The following PCDHGB6 variants were observed in gnomAD, a reference collection of about 807,000 sequenced individuals.
The protein encoded by PCDHGB6 is protocadherin gamma subfamily B, 6.
In PCDHGB6, 51 loss-of-function variants were observed where a neutral mutation model predicts 59.1. The observed-to-expected ratio is 0.86, with a 90% CI of 0.69 to 1.09. The LOEUF (loss-of-function observed/expected upper bound fraction) is 1.09. Ranked by LOEUF, PCDHGB6 falls within the 50% of genes least tolerant of loss-of-function variation. PCDHGB6 has a pLI of 0.00. For missense variants in PCDHGB6, 1,148 were observed against 1,205.1 expected, an observed-to-expected ratio of 0.95 and a Z score of 0.70; for synonymous variants, 466 against 495.1, an observed-to-expected ratio of 0.94 and a Z score of 0.78.
In PCDHGB6 at chr5:141,510,834, G is replaced by A. The variant is rs1043468083; in HGVS notation, c.2567-113G>A. 49 of 1,581,762 alleles carry A rather than the reference G, an allele frequency of 3.1e-5. 1 individual carries two copies. The highest frequency in any genetic ancestry group is 4.0e-5 in the Non-Finnish European group (46 of 1,161,670). On this transcript the variant is annotated intron_variant, in intron 3 of 3. Coordinates refer to ENST00000520790, the MANE Select transcript of PCDHGB6 (RefSeq NM_018926.3). ...GACCCCTATATTCCCAGTGCTCAGC[G>A]TGGTCAAGGCCCAGGGTGCTGTATA...
In PCDHGB6 at chr5:141,431,788, T is replaced by G. The variant is rs775397713; in HGVS notation, c.2418+21168T>G. 1 of 1,614,190 alleles carries G rather than the reference T, an allele frequency of 6.2e-7. No homozygotes were observed. The highest frequency in any genetic ancestry group is 1.1e-5 in the South Asian group (1 of 91,080). ...TCACTGTTCTGGACGTGAACGACAA[T>G]GCCCCAGAAGTGGTCCTCACCTCTC... On this transcript the variant is annotated intron_variant, in intron 1 of 3. Coordinates refer to ENST00000520790, the MANE Select transcript of PCDHGB6 (RefSeq NM_018926.3). The surrounding 1 kb of genome is among the most constrained non-coding windows in gnomAD (Gnocchi z 4.8).
At position 141,450,007 on chromosome 5, in the gene PCDHGB6, T is replaced by TA. The variant is rs57702245; in HGVS notation, c.2418+39387_2418+39388insA. Among the ~76,000 whole-genome samples the TA allele has an allele frequency of 5.9e-4, 19 of 31,956 alleles. No homozygotes were observed. In the African/African-American group the frequency reaches 7.8e-3, roughly 13 times the overall value. 21.0% of individuals were successfully genotyped at this position (31,956 alleles called of 152,430 possible). A position where few individuals can be genotyped will look rare whatever the true frequency, so the allele number is the denominator to read the frequency against. On this transcript the variant is annotated intron_variant, in intron 1 of 3. Coordinates refer to ENST00000520790, the MANE Select transcript of PCDHGB6 (RefSeq NM_018926.3). Reference sequence around the variant, plus strand: ...ACATTGCATTTAGTTGCCATGTCTCTTTTTTTTTTTTTTTTTTGAGACAGG... The same window carrying TA: ...ACATTGCATTTAGTTGCCATGTCTCTATTTTTTTTTTTTTTTTTGAGACAGG...
chr5:141,423,923 G>A (rs2096790975), intron 1 of PCDHGB6: 2 of 1,254,626 alleles, frequency 1.6e-6, no homozygotes, highest in African/African-American at 1.6e-5. Flanking sequence ...CAACTATGCT[G>A]GTTTGGTTTG....
In PCDHGB6 at chr5:141,423,305, A is replaced by G. The variant is rs746680027; in HGVS notation, c.2418+12685A>G. On this transcript the variant is annotated intron_variant, in intron 1 of 3. Coordinates refer to ENST00000520790, the MANE Select transcript of PCDHGB6 (RefSeq NM_018926.3). Reference sequence around the variant, plus strand: ...TCTGAAACCTCAGACCTCTCGCTGTACTTGGTGGTGGCGGTGGCCGCAGTC... The same window carrying G: ...TCTGAAACCTCAGACCTCTCGCTGTGCTTGGTGGTGGCGGTGGCCGCAGTC... 23 of 1,613,944 alleles carry G rather than the reference A, an allele frequency of 1.4e-5. No individual in the cohort carries two copies. Among genetic ancestry groups the G allele is most frequent in the Non-Finnish European group, 1.9e-5 (22 of 1,180,004 alleles).
chr5:141,423,832 T>G, intron 1 of PCDHGB6: 113 of 1,253,376 alleles, frequency 9.0e-5, no homozygotes, highest in East Asian at 2.6e-4. Context: ...TTTCATGAGA[T>G]TACGATAATC....
At position 141,486,996 on chromosome 5, in the gene PCDHGB6, A is replaced by G; in HGVS notation, c.2419-7811A>G. ...TCAGGTTACAATGCTTGGGTTTCCT[A>G]TCAGCTCCTGGAGGCCCCAGATCCC... On this transcript the variant is annotated intron_variant, in intron 1 of 3. Coordinates refer to ENST00000520790, the MANE Select transcript of PCDHGB6 (RefSeq NM_018926.3). This position sits in a 1 kb window ranked among gnomAD's most constrained non-coding sequence, Gnocchi z 5.0. 6.2e-7 allele frequency: 1 copy of G among 1,614,152 alleles called. No individual in the cohort carries two copies. Among genetic ancestry groups the G allele is most frequent in the Non-Finnish European group, 8.5e-7 (1 of 1,180,032 alleles).
At chr5:141,422,202 T>C (rs1272540004) in intron 1 of PCDHGB6, 1 of 1,561,656 alleles carries the variant, frequency 6.4e-7, no homozygotes, top group Admixed American at 2.0e-5. Flanking sequence ...GCCAAGATGG[T>C]GGAGGTCTCT....
chr5:141,485,768 C>G lies in PCDHGB6; in HGVS notation c.2419-9039C>G. ...GGTCCCAGAGCTGCTCCTGGAGAAG[C>G]CTTTGGATCGAGAGAAGCAATCGGA... On this transcript the variant is annotated intron_variant, in intron 1 of 3. Coordinates refer to ENST00000520790, the MANE Select transcript of PCDHGB6 (RefSeq NM_018926.3). The surrounding 1 kb of genome is among the most constrained non-coding windows in gnomAD (Gnocchi z 5.7). 5 of 1,614,192 alleles carry G rather than the reference C, an allele frequency of 3.1e-6. No homozygotes were observed. The South Asian group carries it at 3.3e-5, about 11-fold the overall frequency.
chr5:141,484,716 G>C (rs1375103858), intron 1 of PCDHGB6, among the ~76,000 whole-genome samples: 1 of 152,030 alleles, frequency 6.6e-6, no homozygotes, highest in African/African-American at 2.4e-5. Context: ...CGCCGAAAAG[G>C]GGCGGGGTCA....
chr5:141,491,291 C>T lies in PCDHGB6; in HGVS notation c.2419-3516C>T. 1 of 1,614,152 alleles carries T rather than the reference C, an allele frequency of 6.2e-7. No homozygotes were observed. The highest frequency in any genetic ancestry group is 8.5e-7 in the Non-Finnish European group (1 of 1,179,974). On this transcript the variant is annotated intron_variant, in intron 1 of 3. Coordinates refer to ENST00000520790, the MANE Select transcript of PCDHGB6 (RefSeq NM_018926.3). This position sits in a 1 kb window ranked among gnomAD's most constrained non-coding sequence, Gnocchi z 6.9. The stretch of plus-strand genomic sequence containing the variant: ...AAATCCAGTGACTTCCTCATACACC[C>T]TCCTGAGCGTTCAGACCTTACCCTT...
rs201408987 is a variant in PCDHGB6, at chr5:141,476,857, C to T, written c.2419-17950C>T. 12 of 1,613,768 alleles carry T rather than the reference C, an allele frequency of 7.4e-6. No individual in the cohort carries two copies. The highest frequency in any genetic ancestry group is 1.0e-5 in the Non-Finnish European group (12 of 1,180,054). ...ACAATGCGCCTGTCTTCAACCAGTC[C>T]TTGTACCGGGCGCGCGTCCTGGAGG... On this transcript the variant is annotated intron_variant, in intron 1 of 3. Transcript: ENST00000520790. The surrounding 1 kb of genome is among the most constrained non-coding windows in gnomAD (Gnocchi z 7.6).
chr5:141,508,725 G>C (rs1447443196), intron 3 of PCDHGB6, among the ~76,000 whole-genome samples: 1 of 151,788 alleles, frequency 6.6e-6, no homozygotes, highest in Non-Finnish European at 1.5e-5. Flanking sequence ...TGTGCAGGGA[G>C]ACTACACCCC....
chr5:141,479,562 T>G (rs1176956064), intron 1 of PCDHGB6: 2 of 152,218 alleles, frequency 1.3e-5, no homozygotes, highest in Non-Finnish European at 2.9e-5. Flanking sequence ...TATCCAGTAG[T>G]GGGATGACAT....
At chr5:141,443,442 C>T (rs571341362) in intron 1 of PCDHGB6, among the ~76,000 whole-genome samples, 9 of 152,202 alleles carry the variant, frequency 5.9e-5, no homozygotes, top group East Asian at 1.9e-4. Context: ...GCTGTGGTTG[C>T]GCTCCTGTAC....
intron 1 of PCDHGB6, among the ~76,000 whole-genome samples, chr5:141,434,259 G>A (rs1452016594): frequency 6.6e-6 from 1 of 152,230 alleles, no homozygotes; most frequent in Non-Finnish European, 1.5e-5. Flanking sequence ...CATTGTGGGG[G>A]AGGTGGAAAT....
intron 1 of PCDHGB6, chr5:141,424,584 C>T (rs919265310): frequency 3.9e-5 from 6 of 152,082 alleles, no homozygotes; most frequent in African/African-American, 1.4e-4. Flanking sequence ...TTCAAATGTG[C>T]TAAAGATGTC....
chr5:141,434,924 A>G (rs2097731722), intron 1 of PCDHGB6, among the ~76,000 whole-genome samples: 1 of 151,756 alleles, frequency 6.6e-6, no homozygotes, highest in African/African-American at 2.4e-5. Context: ...ATGTACATAT[A>G]TTTTATATAA....
In PCDHGB6 at chr5:141,490,537, T is replaced by C; in HGVS notation, c.2419-4270T>C. On this transcript the variant is annotated intron_variant, in intron 1 of 3. Transcript: ENST00000520790. This position sits in a 1 kb window ranked among gnomAD's most constrained non-coding sequence, Gnocchi z 5.4. ...GCTGGCCAGCGATGCTGGTTCACCT[T>C]CCCTACACAAACATCTCACCATCAG... is the stretch of plus-strand genomic sequence containing the variant. 1.9e-6 allele frequency: 3 copies of C among 1,614,180 alleles called. No homozygotes were observed. The highest frequency in any genetic ancestry group is 8.5e-7 in the Non-Finnish European group (1 of 1,180,028).
chr5:141,410,897 A>G (rs1276742953), intron 1 of PCDHGB6: 1 of 273,412 alleles, frequency 3.7e-6, no homozygotes, highest in African/African-American at 3.4e-5. Flanking sequence ...ACTGTTGCCT[A>G]GGCTGGAGTG....
Sources: allele counts gnomAD v4.1 joint callset (sites outside exome capture counted in the v4.1 genomes callset), GRCh38; gene constraint gnomAD v4.1.1; non-coding constraint Gnocchi (gnomAD v3.1); transcripts MANE v1.5; gene names NCBI Gene and HGNC (gene_info 2026-07-23, HGNC 2026-07-21).